Variants in SLC9A9 observed in about 807,000 individuals in gnomAD.
SLC9A9 encodes the protein solute carrier family 9 member A9.
In SLC9A9, 62 loss-of-function variants were observed where a neutral mutation model predicts 77.8. The observed-to-expected ratio is 0.80, with a 90% confidence interval of 0.65 to 0.98. SLC9A9 has a LOEUF of 0.98. Ranked by LOEUF, SLC9A9 falls within the 50% of genes least tolerant of loss-of-function variation. SLC9A9 has a pLI of 0.00. For synonymous variants in SLC9A9, 320 were observed against 283.5 expected, an observed-to-expected ratio of 1.13 and a Z score of -1.29; for missense variants, 775 against 774.9, an observed-to-expected ratio of 1.00 and a Z score of 0.00.
chr3:143,723,480 A>G (rs1560049401), intron 4 of SLC9A9, among the ~76,000 whole-genome samples: 1 of 152,174 alleles, frequency 6.6e-6, no homozygotes, highest in Non-Finnish European at 1.5e-5. Flanking sequence ...GAGTGGGGAC[A>G]CAAGATGATT....
At chr3:143,458,607 G>T (rs2035134694) in intron 12 of SLC9A9, among the ~76,000 whole-genome samples, 1 of 151,820 alleles carries the variant, frequency 6.6e-6, no homozygotes, top group Non-Finnish European at 1.5e-5. Flanking sequence ...GTGTTTTAGT[G>T]GTTGATCTAC....
chr3:143,726,378 T>A lies in SLC9A9; in HGVS notation c.534-33071A>T, dbSNP rs377532388. On this transcript the variant is annotated intron_variant, in intron 4 of 15. Transcript: ENST00000316549. ...GGAAGGCTCTATATTTTGATTGACA[T>A]GGTATTTAAATGAGATATAAGTTTG... Among the ~76,000 whole-genome samples, 9 of 152,252 alleles carry A rather than the reference T, an allele frequency of 5.9e-5. No individual in the cohort carries two copies. In the East Asian group the frequency reaches 7.7e-4, roughly 13 times the overall value.
intron 14 of SLC9A9, among the ~76,000 whole-genome samples, chr3:143,353,297 G>A (rs761366129): frequency 1.3e-4 from 20 of 152,302 alleles, no homozygotes; most frequent in South Asian, 4.1e-4. Context: ...AAATTCACAC[G>A]TTGAAGCCTG....
At chr3:143,315,829 A>G (rs2031192480) in intron 14 of SLC9A9, among the ~76,000 whole-genome samples, 2 of 152,208 alleles carry the variant, frequency 1.3e-5, no homozygotes, top group African/African-American at 2.4e-5. Flanking sequence ...TAATTGTGGA[A>G]TGGTGGCACG....
chr3:143,489,595 T>A (rs918492325), intron 11 of SLC9A9, among the ~76,000 whole-genome samples: 1 of 151,876 alleles, frequency 6.6e-6, no homozygotes, highest in African/African-American at 2.4e-5. Context: ...AGGACAAAAA[T>A]GTCACAACAT....
chr3:143,623,178 C>A (rs2038253649), intron 6 of SLC9A9, among the ~76,000 whole-genome samples: 1 of 152,146 alleles, frequency 6.6e-6, no homozygotes, highest in Admixed American at 6.5e-5. Context: ...GACTTTAACA[C>A]CCCACTGTCA....
chr3:143,845,624 C>T (rs557014619), intron 1 of SLC9A9, among the ~76,000 whole-genome samples: 2 of 152,278 alleles, frequency 1.3e-5, no homozygotes, highest in South Asian at 4.1e-4. Context: ...AGTCCCTTCA[C>T]TTCTCTGGGA....
chr3:143,811,901 A>G (rs781510306), intron 2 of SLC9A9: 7 of 332,796 alleles, frequency 2.1e-5, no homozygotes, highest in Admixed American at 4.6e-5. Context: ...AAAAACAAGA[A>G]GTGTTCACTA....
intron 4 of SLC9A9, among the ~76,000 whole-genome samples, chr3:143,760,171 A>T (rs1369942023): frequency 6.6e-6 from 1 of 152,130 alleles, no homozygotes; most frequent in Non-Finnish European, 1.5e-5. Context: ...TTATTTTGAG[A>T]TATGTCCCAT....
chr3:143,726,686 G>C (rs898002555), intron 4 of SLC9A9, among the ~76,000 whole-genome samples: 13 of 151,882 alleles, frequency 8.6e-5, no homozygotes, highest in African/African-American at 3.1e-4. Flanking sequence ...TTTGTGGCCA[G>C]AGTTCTAAAA....
chr3:143,405,294 C>T (rs945328136), intron 12 of SLC9A9, among the ~76,000 whole-genome samples: 1 of 152,154 alleles, frequency 6.6e-6, no homozygotes, highest in African/African-American at 2.4e-5. Flanking sequence ...TGCTCCATTC[C>T]AAGTCAACTC....
At chr3:143,415,485 T>C (rs767069231) in intron 12 of SLC9A9, among the ~76,000 whole-genome samples, 8 of 152,194 alleles carry the variant, frequency 5.3e-5, no homozygotes, top group Non-Finnish European at 1.0e-4. Flanking sequence ...TTAAGAGTTA[T>C]GCTAAATTGA....
intron 12 of SLC9A9, among the ~76,000 whole-genome samples, chr3:143,403,557 GT>G (rs2033908747): frequency 6.6e-6 from 1 of 151,648 alleles, no homozygotes; most frequent in Non-Finnish European, 1.5e-5. Context: ...AACAAATTCA[GT>G]CTTTATTTGG....
chr3:143,589,610 A>G (rs947447828), intron 6 of SLC9A9, among the ~76,000 whole-genome samples: 1 of 152,214 alleles, frequency 6.6e-6, no homozygotes, highest in African/African-American at 2.4e-5. Context: ...AGACTTGTGT[A>G]AGTACACTCC....
chr3:143,772,022 ATG>A (rs55750613), intron 4 of SLC9A9, among the ~76,000 whole-genome samples: 7,001 of 141,270 alleles, frequency 0.05, 244 homozygotes, highest in African/African-American at 0.11. Context: ...CATCCCCAGA[ATG>A]TGTGTGTGTG....
At chr3:143,444,645 C>T (rs1261276629) in intron 12 of SLC9A9, among the ~76,000 whole-genome samples, 1 of 152,078 alleles carries the variant, frequency 6.6e-6, no homozygotes, top group African/African-American at 2.4e-5. Context: ...TAATAACAAT[C>T]CCTAAATTTC....
chr3:143,575,045 A>G (rs2037334406), intron 7 of SLC9A9, among the ~76,000 whole-genome samples: 1 of 152,222 alleles, frequency 6.6e-6, no homozygotes, highest in Admixed American at 6.5e-5. Context: ...GCAGGGGAGC[A>G]GGGAGCAAAA....
intron 5 of SLC9A9, among the ~76,000 whole-genome samples, chr3:143,678,941 A>G (rs942688416): frequency 1.3e-5 from 2 of 152,094 alleles, no homozygotes; most frequent in Non-Finnish European, 2.9e-5. Context: ...TATATAGAGA[A>G]AAGTGGAATT....
At chr3:143,496,576 C>T (rs2035836589) in intron 9 of SLC9A9, among the ~76,000 whole-genome samples, 1 of 152,122 alleles carries the variant, frequency 6.6e-6, no homozygotes, top group South Asian at 2.1e-4. Flanking sequence ...AAGAAACAGC[C>T]CTTTGGTACA....
Sources: gnomAD v4.1 joint callset for allele counts (sites outside exome capture counted in the v4.1 genomes callset) on GRCh38, gnomAD v4.1.1 for gene constraint, MANE v1.5 for transcripts, NCBI Gene and HGNC (gene_info 2026-07-23, HGNC 2026-07-21) for gene names.